Variants in IL13RA1 observed in about 807,000 individuals in gnomAD.
IL13RA1 encodes interleukin 13 receptor subunit alpha 1.
Under a neutral mutation model 33.8 loss-of-function variants are expected in IL13RA1, and 14 were observed. That is an observed-to-expected ratio of 0.41 (90% CI 0.27 to 0.65). The LOEUF (loss-of-function observed/expected upper bound fraction) is 0.65, where lower values mean the gene tolerates loss of function less well. Among genes scored for constraint, IL13RA1 ranks in the 30% least tolerant of loss-of-function variants. The pLI is 0.28. For synonymous variants in IL13RA1, 116 were observed against 115.7 expected (o/e 1.00, Z -0.02); for missense variants, 313 against 327.0 (o/e 0.96, Z 0.33).
chrX:118,745,356 A>G (rs1300543622), intron 2 of IL13RA1, among the ~76,000 whole-genome samples: 1 of 111,978 alleles, frequency 8.9e-6, no homozygotes, highest in South Asian at 3.7e-4. Context: ...GAAAAATTCA[A>G]TGCCCACATT....
intron 4 of IL13RA1, among the ~76,000 whole-genome samples, chrX:118,752,286 C>T (rs1470864422): frequency 2.7e-5 from 3 of 111,338 alleles, no homozygotes; most frequent in Non-Finnish European, 3.8e-5. Flanking sequence ...CATGCACCCC[C>T]GCCCCTCTTG....
chrX:118,738,984 C>T (rs747032882), intron 1 of IL13RA1, among the ~76,000 whole-genome samples: 6 of 109,702 alleles, frequency 5.5e-5, no homozygotes, highest in South Asian at 3.9e-4. Flanking sequence ...GACGGTGTTT[C>T]GTTATGTTGT....
intron 8 of IL13RA1, chrX:118,770,321 G>A (rs1269247856): frequency 8.5e-6 from 3 of 351,396 alleles, no homozygotes; most frequent in African/African-American, 2.6e-5. Context: ...GTGCTGGCCC[G>A]GCGAGCCCTA....
chrX:118,780,346 A>G (rs1423356710), intron 10 of IL13RA1, among the ~76,000 whole-genome samples: 1 of 112,732 alleles, frequency 8.9e-6, no homozygotes, highest in African/African-American at 3.2e-5. Flanking sequence ...AATGTTCAAA[A>G]CTCGAGATTC....
chrX:118,731,438 G>A (rs183895284), intron 1 of IL13RA1, among the ~76,000 whole-genome samples: 175 of 110,947 alleles, frequency 1.6e-3, no homozygotes, highest in Non-Finnish European at 2.9e-3. Flanking sequence ...TTAGCCAGGC[G>A]TGGCAGTGCA....
At chrX:118,729,258 G>A (rs1404339722) in intron 1 of IL13RA1, among the ~76,000 whole-genome samples, 1 of 111,842 alleles carries the variant, frequency 8.9e-6, no homozygotes, top group Non-Finnish European at 1.9e-5. Context: ...ACAACAGCTG[G>A]CCATCTAGAG....
At chrX:118,784,110 C>CGTATATATATATATAT (rs2017882551) in intron 10 of IL13RA1, among the ~76,000 whole-genome samples, 2 of 41,090 alleles carry the variant, frequency 4.9e-5, no homozygotes, top group African/African-American at 1.8e-4. Context: ...TATATATATA[C>CGTATATATATATATAT]GTATATATGT....
intron 5 of IL13RA1, 67 bp downstream of exon 5, chrX:118,758,309 A>G: frequency 2.1e-6 from 1 of 470,845 alleles, no homozygotes. Context: ...CACAATCAAT[A>G]CAAATAATAA....
rs1206847871 is a variant in IL13RA1 at position 118,746,172 on chromosome X, G to T, written c.229-782G>T. Among the ~76,000 whole-genome samples the T allele has an allele frequency of 8.1e-5, 9 of 110,496 alleles. 1 individual carries two copies. The highest frequency in any genetic ancestry group is 3.0e-4 in the African/African-American group (9 of 30,235). On this transcript the variant is annotated intron_variant, in intron 2 of 10. Transcript: ENST00000371666. ...AGACAGGGTCTCACTGCATTGTCCA[G>T]GCTAGAGTGCAATCTTGGCTCACTG...
chrX:118,780,541 G>A (rs1475518455), intron 10 of IL13RA1, among the ~76,000 whole-genome samples: 1 of 112,863 alleles, frequency 8.9e-6, no homozygotes, highest in Admixed American at 9.4e-5. Context: ...TGTGGTGCCA[G>A]CATCTGCTTC....
chrX:118,762,325 C>T (rs1236632582), intron 6 of IL13RA1, among the ~76,000 whole-genome samples: 1 of 112,325 alleles, frequency 8.9e-6, no homozygotes, highest in Non-Finnish European at 1.9e-5. Context: ...CATAAGATGG[C>T]GCCTTAAGAC....
rs1403353487 is a variant in IL13RA1, at chrX:118,784,377, C to G, written c.1192-7385C>G. 2.8e-5 allele frequency among the ~76,000 whole-genome samples: 3 copies of G among 108,751 alleles called. No homozygotes were observed. The East Asian group carries it at 8.7e-4, about 31-fold the overall frequency. The allele number at this position is 108,751 out of a possible 115,157, so 94.4% of individuals were successfully genotyped here. ...TAATAATAGTTCATACTTATGGAAC[C>G]TTTACTATGTGTCTTAATAACACTG... On this transcript the variant is annotated intron_variant, in intron 10 of 10. Transcript: ENST00000371666.
chrX:118,757,989 C>T (rs1364499733), intron 4 of IL13RA1, 66 bp from the exon 5 acceptor site: 4 of 730,693 alleles, frequency 5.5e-6, no homozygotes, highest in Non-Finnish European at 8.1e-6. Context: ...CCGCGCCCAG[C>T]CTGCTCTTAT....
intron 5 of IL13RA1, chrX:118,758,797 A>G (rs1002287964): frequency 1.2e-4 from 13 of 111,354 alleles, no homozygotes; most frequent in African/African-American, 4.2e-4. Context: ...ATGATAATCC[A>G]TTAATCGGTC....
At chrX:118,743,091 T>A (rs2017362940) in intron 2 of IL13RA1, among the ~76,000 whole-genome samples, 1 of 111,911 alleles carries the variant, frequency 8.9e-6, no homozygotes, top group African/African-American at 3.2e-5. Context: ...CAGTCCTACA[T>A]TTGTGATGAA....
chrX:118,790,444 AACATTCATG>A (rs2017963493), intron 10 of IL13RA1, among the ~76,000 whole-genome samples: 1 of 112,157 alleles, frequency 8.9e-6, no homozygotes, highest in Non-Finnish European at 1.9e-5. Flanking sequence ...AAATGCTATA[AACATTCATG>A]TAGAAGTCTT....
intron 3 of IL13RA1, among the ~76,000 whole-genome samples, chrX:118,749,275 A>G (rs1379664134): frequency 8.9e-6 from 1 of 112,105 alleles, no homozygotes; most frequent in Non-Finnish European, 1.9e-5. Flanking sequence ...GTTAAATTGT[A>G]CCTCAATAAT....
At chrX:118,748,306 G>T (rs2017432591) in intron 3 of IL13RA1, among the ~76,000 whole-genome samples, 1 of 96,495 alleles carries the variant, frequency 1.0e-5, no homozygotes, top group Non-Finnish European at 2.0e-5. Context: ...ATTCAGGACT[G>T]CCAGGAGATT....
intron 3 of IL13RA1, among the ~76,000 whole-genome samples, chrX:118,749,055 A>G (rs2017441701): frequency 1.8e-5 from 2 of 111,669 alleles, no homozygotes; most frequent in Non-Finnish European, 3.8e-5. Flanking sequence ...AGCTGGGACT[A>G]AAGATATGTG....
Sources: gnomAD v4.1 joint callset for allele counts (sites outside exome capture counted in the v4.1 genomes callset) on GRCh38, gnomAD v4.1.1 for gene constraint, MANE v1.5 for transcripts, NCBI Gene and HGNC (gene_info 2026-07-23, HGNC 2026-07-21) for gene names.